Variants in PCDHGB1 observed in about 807,000 individuals in gnomAD.
The protein encoded by PCDHGB1 is protocadherin gamma subfamily B, 1, also known as protocadherin gamma-B1.
Under a neutral mutation model 56.6 loss-of-function variants are expected in PCDHGB1, and 34 were observed. The observed-to-expected ratio is 0.60, with a 90% CI of 0.46 to 0.80. The LOEUF (loss-of-function observed/expected upper bound fraction) is 0.80, where lower values mean the gene tolerates loss of function less well. Ranked by LOEUF, PCDHGB1 falls within the 30% of genes least tolerant of loss-of-function variation. PCDHGB1 has a pLI of 0.00. For synonymous variants in PCDHGB1, 561 were observed against 505.9 expected (o/e 1.11, Z -1.46); for missense variants, 1,278 against 1,204.6 (o/e 1.06, Z -0.90).
At chr5:141,440,093 GA>G (rs2098151022) in intron 1 of PCDHGB1, 1 of 152,302 alleles carries the variant, frequency 6.6e-6, no homozygotes, top group Non-Finnish European at 1.5e-5. Context: ...TCTAAGTGGG[GA>G]AAGTGGAGAC....
intron 1 of PCDHGB1, chr5:141,409,623 T>G: frequency 6.2e-7 from 1 of 1,613,854 alleles, no homozygotes; most frequent in Non-Finnish European, 8.5e-7. Context: ...ATTGCGCAAG[T>G]GAGCGCCTCT....
rs748787935 is a variant in PCDHGB1 at position 141,350,677 on chromosome 5, T to C, written c.417T>C (p.Ile139=). 2 of 1,614,020 alleles carry C rather than the reference T, an allele frequency of 1.2e-6. No homozygotes were observed. Among genetic ancestry groups the C allele is most frequent in the Admixed American group, 1.7e-5 (1 of 60,036 alleles). Residue 139 remains isoleucine (I), a synonymous_variant, in exon 1 of 4, where the codon ATT becomes ATC. Transcript: ENST00000523390. ...TTGCAAAAGGCATTGACTTAGAAAT[T>C]TGTGAGTCAGCCTTACCCGGGGTAA... The part of the protein sequence containing the change: ...RFVAKGIDLE[I]CESALPGVKF...
chr5:141,506,304 C>A (rs569926873), intron 3 of PCDHGB1, among the ~76,000 whole-genome samples: 3 of 152,078 alleles, frequency 2.0e-5, no homozygotes, highest in Non-Finnish European at 4.4e-5. Context: ...CAAAAATTAG[C>A]TGGGCATGGT....
chr5:141,441,937 C>T, intron 1 of PCDHGB1: 1 of 344,792 alleles, frequency 2.9e-6, no homozygotes, highest in Non-Finnish European at 5.6e-6. Context: ...GCTGTCCTAC[C>T]ACGTGCTGCA....
At chr5:141,478,850 A>T in intron 1 of PCDHGB1, 1 of 1,376,726 alleles carries the variant, frequency 7.3e-7, no homozygotes, top group South Asian at 1.5e-5. Context: ...AAGCTAAAAC[A>T]CAAGATCTCA....
chr5:141,461,286 C>T (rs2099012487), intron 1 of PCDHGB1, among the ~76,000 whole-genome samples: 1 of 152,144 alleles, frequency 6.6e-6, no homozygotes, highest in Admixed American at 6.6e-5. Context: ...TTCCCCACAT[C>T]CACACCAACA....
rs776550132 is a variant in PCDHGB1, at chr5:141,394,056, G to A, written c.2409+41387G>A. 6 of 1,613,616 alleles carry A rather than the reference G, an allele frequency of 3.7e-6. No homozygotes were observed. The African/African-American group carries it at 5.3e-5, about 14-fold the overall frequency. On this transcript the variant is annotated intron_variant, in intron 1 of 3. Coordinates refer to ENST00000523390, the MANE Select transcript of PCDHGB1 (RefSeq NM_018922.3). ...AAGGAAATATTTGGACCGAGAAAAT[G>A]TCTCTATCTACAATATCACAGTGAT...
chr5:141,477,572 G>T lies in PCDHGB1; in HGVS notation c.2410-17235G>T, dbSNP rs375416133. The T allele has an allele frequency of 6.2e-7, 1 of 1,614,112 alleles. No homozygotes were observed. Among genetic ancestry groups the T allele is most frequent in the South Asian group, 1.1e-5 (1 of 91,072 alleles). ...AAACCTAAGTGTCTGGGACCCCGAC[G>T]CCCCGCAGAATGCTCGGCTTTCTTT... On this transcript the variant is annotated intron_variant, in intron 1 of 3. Transcript: ENST00000523390. The surrounding 1 kb of genome is among the most constrained non-coding windows in gnomAD (Gnocchi z 4.9).
intron 1 of PCDHGB1, among the ~76,000 whole-genome samples, chr5:141,448,711 C>T (rs62379167): frequency 0.23 from 35,567 of 151,844 alleles, 4,336 homozygotes; most frequent in Admixed American, 0.32. Context: ...GAGGCCGAGG[C>T]GGGAGGATCA....
At chr5:141,434,199 T>G (rs1406339464) in intron 1 of PCDHGB1, among the ~76,000 whole-genome samples, 1 of 151,914 alleles carries the variant, frequency 6.6e-6, no homozygotes, top group Non-Finnish European at 1.5e-5. Context: ...CCAATGTACT[T>G]ACTTCTGTCA....
intron 1 of PCDHGB1, chr5:141,419,960 G>A (rs773071584): frequency 5.0e-6 from 8 of 1,613,960 alleles, no homozygotes; most frequent in South Asian, 4.4e-5. Context: ...CTTGATTTCT[G>A]TGCTCTTTCT....
At chr5:141,389,823 G>A in intron 1 of PCDHGB1, 3 of 1,613,944 alleles carry the variant, frequency 1.9e-6, no homozygotes, top group Non-Finnish European at 2.5e-6. Context: ...CGTGCGTGAC[G>A]GTGGACAGCC....
Position 141,357,072 on chromosome 5 carries a change from C to A in PCDHGB1, c.2409+4403C>A, listed in dbSNP as rs745612694. On this transcript the variant is annotated intron_variant, in intron 1 of 3. Coordinates refer to ENST00000523390, the MANE Select transcript of PCDHGB1 (RefSeq NM_018922.3). ...TATTTGCAGTGGGGCTGCACACAGG[C>A]GAGGTGCGCACCGCACGGGCCCTGC... 33 of 1,613,960 alleles carry A rather than the reference C, an allele frequency of 2.0e-5. 1 individual carries two copies. Among genetic ancestry groups the A allele is most frequent in the South Asian group, 1.8e-4 (16 of 91,092 alleles).
In PCDHGB1 at chr5:141,394,367, A is replaced by G. The variant is rs201573539; in HGVS notation, c.2409+41698A>G. 248 of 1,614,150 alleles carry G rather than the reference A, an allele frequency of 1.5e-4. 1 individual carries two copies. Among genetic ancestry groups the G allele is most frequent in the Middle Eastern group, 1.2e-3 (7 of 6,062 alleles). The stretch of plus-strand genomic sequence containing the variant: ...ACACCGGTGTCCTGTATGCGCTGCA[A>G]TCTTTCGACTATGAGCAGATCCGAG... On this transcript the variant is annotated intron_variant, in intron 1 of 3. Coordinates refer to ENST00000523390, the MANE Select transcript of PCDHGB1 (RefSeq NM_018922.3).
Position 141,409,574 on chromosome 5 carries a change from G to C in PCDHGB1, c.2409+56905G>C, listed in dbSNP as rs752388742. ...CCCAGTTTTCGACCAGACGTCCTACGTGGTCCACGTGGCCGAGAACAACCC... is the reference window on the plus strand; with the variant it reads ...CCCAGTTTTCGACCAGACGTCCTACCTGGTCCACGTGGCCGAGAACAACCC... On this transcript the variant is annotated intron_variant, in intron 1 of 3. Coordinates refer to ENST00000523390, the MANE Select transcript of PCDHGB1 (RefSeq NM_018922.3). 32 of 1,613,902 alleles carry C rather than the reference G, an allele frequency of 2.0e-5. No individual in the cohort carries two copies. In the East Asian group the frequency reaches 6.9e-4, roughly 35 times the overall value.
At chr5:141,430,327 T>C (rs1250968800) in intron 1 of PCDHGB1, among the ~76,000 whole-genome samples, 7 of 152,042 alleles carry the variant, frequency 4.6e-5, no homozygotes, top group Non-Finnish European at 1.5e-5. Context: ...AAAATCATTG[T>C]TTATAGAAAC....
Position 141,476,966 on chromosome 5 carries a change from G to T in PCDHGB1, c.2410-17841G>T, listed in dbSNP as rs780645226. The T allele has an allele frequency of 6.2e-7, 1 of 1,614,152 alleles. No homozygotes were observed. Among genetic ancestry groups the T allele is most frequent in the Admixed American group, 1.7e-5 (1 of 60,032 alleles). On this transcript the variant is annotated intron_variant, in intron 1 of 3. Coordinates refer to ENST00000523390, the MANE Select transcript of PCDHGB1 (RefSeq NM_018922.3). The surrounding 1 kb of genome is among the most constrained non-coding windows in gnomAD (Gnocchi z 7.6). Reference sequence around the variant, plus strand: ...CAACGGTGAAATTATTTACTCCTTCGGCAGCCACAACCGCGCCGGCGTGCG... The same window carrying T: ...CAACGGTGAAATTATTTACTCCTTCTGCAGCCACAACCGCGCCGGCGTGCG...
chr5:141,389,320 TG>T (rs764190187), intron 1 of PCDHGB1: 2 of 1,613,848 alleles, frequency 1.2e-6, no homozygotes, highest in Non-Finnish European at 1.7e-6. Flanking sequence ...GATCCGGACT[TG>T]GGGCCCAACG....
rs769467027 is a variant in PCDHGB1, at chr5:141,477,255, A to G, written c.2410-17552A>G. On this transcript the variant is annotated intron_variant, in intron 1 of 3. Transcript: ENST00000523390. This position sits in a 1 kb window ranked among gnomAD's most constrained non-coding sequence, Gnocchi z 4.9. ...GCTTTGCTCAGTGTGACTGACCTGGATGCTGGCGAGAACGGGCTGGTGACC... is the reference window on the plus strand; with the variant it reads ...GCTTTGCTCAGTGTGACTGACCTGGGTGCTGGCGAGAACGGGCTGGTGACC... 1 of 1,614,146 alleles carries G rather than the reference A, an allele frequency of 6.2e-7. No individual in the cohort carries two copies. Among genetic ancestry groups the G allele is most frequent in the East Asian group, 2.2e-5 (1 of 44,874 alleles).
Sources: allele counts gnomAD v4.1 joint callset (sites outside exome capture counted in the v4.1 genomes callset), GRCh38; gene constraint gnomAD v4.1.1; non-coding constraint Gnocchi (gnomAD v3.1); transcripts MANE v1.5; gene names NCBI Gene and HGNC (gene_info 2026-07-23, HGNC 2026-07-21).